Variants in LIN28B observed in about 807,000 individuals in gnomAD.
The protein encoded by LIN28B is protein lin-28 homolog B.
Under a neutral mutation model 21.9 loss-of-function variants are expected in LIN28B, and 5 were observed. The ratio of observed to expected loss-of-function variants is 0.23; its 90% confidence interval spans 0.12 to 0.48. The LOEUF (loss-of-function observed/expected upper bound fraction) is 0.48, where lower values mean the gene tolerates loss of function less well. LIN28B is among the 20% of genes least tolerant of loss of function. LIN28B has a pLI of 0.98. For synonymous variants in LIN28B, 109 were observed against 111.3 expected (o/e 0.98, Z 0.13); for missense variants, 245 against 310.5 (o/e 0.79, Z 1.58).
At chr6:104,968,538 T>C (rs991836275) in intron 2 of LIN28B, among the ~76,000 whole-genome samples, 1 of 152,224 alleles carries the variant, frequency 6.6e-6, no homozygotes, top group African/African-American at 2.4e-5. Context: ...TTATTACTTT[T>C]GTTAATCTTA....
chr6:104,992,205 C>T (rs1770502309), intron 2 of LIN28B, among the ~76,000 whole-genome samples: 1 of 151,946 alleles, frequency 6.6e-6, no homozygotes, highest in Non-Finnish European at 1.5e-5. Flanking sequence ...GGATTACAGG[C>T]ATGCATCACC....
At chr6:104,949,731 TC>T (rs757671466) in intron 2 of LIN28B, among the ~76,000 whole-genome samples, 87 of 152,140 alleles carry the variant, frequency 5.7e-4, no homozygotes, top group Admixed American at 2.4e-3. Flanking sequence ...CACCAGGAGT[TC>T]CTCTTCCAAT....
At chr6:105,011,842 C>T (rs1477552845) in intron 2 of LIN28B, among the ~76,000 whole-genome samples, 3 of 151,576 alleles carry the variant, frequency 2.0e-5, no homozygotes, top group African/African-American at 7.3e-5. Flanking sequence ...GAGACTCCGT[C>T]TCTCCAAAAA....
chr6:105,002,146 A>T (rs940547939), intron 2 of LIN28B, among the ~76,000 whole-genome samples: 1 of 149,186 alleles, frequency 6.7e-6, no homozygotes, highest in Non-Finnish European at 1.5e-5. Context: ...CAGGCTGAGC[A>T]CTTGAAGAGA....
intron 2 of LIN28B, chr6:104,940,169 T>G (rs1021591686): frequency 5.9e-6 from 1 of 169,106 alleles, no homozygotes; most frequent in Admixed American, 6.5e-5. Context: ...AATACATGAC[T>G]ATTATTACCT....
At chr6:104,999,720 G>A (rs1008824537) in intron 2 of LIN28B, among the ~76,000 whole-genome samples, 4 of 151,828 alleles carry the variant, frequency 2.6e-5, no homozygotes, top group African/African-American at 9.7e-5. Flanking sequence ...CGTTCTTGTC[G>A]CCCAGGCTGG....
chr6:105,049,173 A>T (rs1490490208), intron 3 of LIN28B, among the ~76,000 whole-genome samples: 1 of 152,168 alleles, frequency 6.6e-6, no homozygotes, highest in African/African-American at 2.4e-5. Flanking sequence ...ACTGCTTTAA[A>T]TATGTCCCAG....
chr6:105,065,330 AT>A (rs1772201562), intron 3 of LIN28B, among the ~76,000 whole-genome samples: 1 of 151,962 alleles, frequency 6.6e-6, no homozygotes, highest in South Asian at 2.1e-4. Context: ...TTGAGCTCTA[AT>A]TTTTAAGGTA....
At chr6:105,043,573 A>G (rs1330033076) in intron 3 of LIN28B, among the ~76,000 whole-genome samples, 1 of 148,796 alleles carries the variant, frequency 6.7e-6, no homozygotes, top group African/African-American at 2.5e-5. Flanking sequence ...TCTTTTGTTG[A>G]TTTTTTTGTT....
At chr6:105,006,820 G>C (rs1770825553) in intron 2 of LIN28B, among the ~76,000 whole-genome samples, 1 of 152,102 alleles carries the variant, frequency 6.6e-6, no homozygotes, top group Non-Finnish European at 1.5e-5. Flanking sequence ...GCACTAGCTA[G>C]CTCTTACAGT....
intron 3 of LIN28B, among the ~76,000 whole-genome samples, chr6:105,045,144 C>T (rs926283041): frequency 2.0e-5 from 3 of 151,958 alleles, no homozygotes; most frequent in Non-Finnish European, 4.4e-5. Flanking sequence ...TACCTGAAGG[C>T]ACTATTTTTT....
chr6:104,970,103 G>A (rs314268), intron 2 of LIN28B, among the ~76,000 whole-genome samples: 97,370 of 151,966 alleles, frequency 0.64, 31,483 homozygotes, highest in South Asian at 0.72. Context: ...TTTTACCTCA[G>A]TAAAAGCTTC....
At chr6:105,000,581 A>G (rs1770700688) in intron 2 of LIN28B, among the ~76,000 whole-genome samples, 1 of 152,140 alleles carries the variant, frequency 6.6e-6, no homozygotes, top group African/African-American at 2.4e-5. Context: ...CTTTTTATAT[A>G]AAAGAGCTAT....
At chr6:105,014,102 C>T (rs1770979463) in intron 2 of LIN28B, among the ~76,000 whole-genome samples, 1 of 152,078 alleles carries the variant, frequency 6.6e-6, no homozygotes, top group African/African-American at 2.4e-5. Flanking sequence ...TTTGCACTTT[C>T]TGTAGCTTCT....
At chr6:104,950,924 A>T (rs1426052237) in intron 3 of LIN28B, among the ~76,000 whole-genome samples, 1 of 152,224 alleles carries the variant, frequency 6.6e-6, no homozygotes, top group Non-Finnish European at 1.5e-5. Context: ...AAATGGAGAC[A>T]TGGTGCTGTT....
rs753492994 is a variant in LIN28B, at chr6:105,071,866, A to AT, written c.384-6547dup. On this transcript the variant is annotated intron_variant, in intron 3 of 3. Coordinates refer to ENST00000345080, the MANE Select transcript of LIN28B (RefSeq NM_001004317.4). ...AAAATTCCAATTTATAATCTTAAACATATGATTAAAGAGAATAGAAAAAGT... is the reference window on the plus strand; with the variant it reads ...AAAATTCCAATTTATAATCTTAAACATTATGATTAAAGAGAATAGAAAAAGT... Among the ~76,000 whole-genome samples, 18 of 152,340 alleles carry AT rather than the reference A, an allele frequency of 1.2e-4. No homozygotes were observed. In the South Asian group the frequency reaches 3.7e-3, roughly 32 times the overall value.
chr6:104,976,772 G>T (rs562874545), intron 2 of LIN28B, among the ~76,000 whole-genome samples: 49 of 152,200 alleles, frequency 3.2e-4, no homozygotes, highest in Non-Finnish European at 6.5e-4. Context: ...GCCAATGTCT[G>T]GTTAGAGCAT....
At chr6:105,070,218 T>A (rs1772305357) in intron 3 of LIN28B, among the ~76,000 whole-genome samples, 1 of 152,146 alleles carries the variant, frequency 6.6e-6, no homozygotes, top group African/African-American at 2.4e-5. Context: ...AAGATTCTGG[T>A]TTAATTGGTC....
Position 105,068,212 on chromosome 6 carries a change from A to C in LIN28B, c.384-10202A>C, listed in dbSNP as rs1013499349. Reference sequence around the variant, plus strand: ...GATATTAAATGAGATAAAATGTGTAAATCTTAACCATCCAGCTAACTATTC... The same window carrying C: ...GATATTAAATGAGATAAAATGTGTACATCTTAACCATCCAGCTAACTATTC... On this transcript the variant is annotated intron_variant, in intron 3 of 3. Coordinates refer to ENST00000345080, the MANE Select transcript of LIN28B (RefSeq NM_001004317.4). 2.0e-5 allele frequency among the ~76,000 whole-genome samples: 3 copies of C among 152,190 alleles called. No homozygotes were observed. In the South Asian group the frequency reaches 6.2e-4, roughly 31 times the overall value.
Sources: gnomAD v4.1 joint callset for allele counts (sites outside exome capture counted in the v4.1 genomes callset) on GRCh38, gnomAD v4.1.1 for gene constraint, MANE v1.5 for transcripts, NCBI Gene and HGNC (gene_info 2026-07-23, HGNC 2026-07-21) for gene names.